Variants in ACTR3B observed in about 807,000 individuals in gnomAD.
ACTR3B encodes the protein actin related protein 3B.
Under a neutral mutation model 59.0 loss-of-function variants are expected in ACTR3B, and 8 were observed. That is an observed-to-expected ratio of 0.14 (90% confidence interval 0.08 to 0.24). The LOEUF (loss-of-function observed/expected upper bound fraction) is 0.24. ACTR3B is among the 10% of genes least tolerant of loss of function. ACTR3B has a pLI of 1.00. For missense variants in ACTR3B, 245 were observed against 552.3 expected (o/e 0.44, Z 5.58); for synonymous variants, 148 against 197.9 (o/e 0.75, Z 2.12).
chr7:152,799,701 G>A (rs11769016), intron 2 of ACTR3B, among the ~76,000 whole-genome samples: 78,736 of 150,570 alleles, frequency 0.52, 22,195 homozygotes, highest in East Asian at 0.71. Flanking sequence ...AGAACTGCAG[G>A]TTGTCAAGGA....
chr7:152,777,063 T>C (rs564585425), intron 1 of ACTR3B, among the ~76,000 whole-genome samples: 71 of 152,304 alleles, frequency 4.7e-4, no homozygotes, highest in African/African-American at 1.6e-3. Flanking sequence ...CAAATACTTA[T>C]GTGGGGTAGG....
intron 1 of ACTR3B, among the ~76,000 whole-genome samples, chr7:152,780,541 A>T (rs1014452955): frequency 6.6e-6 from 1 of 151,900 alleles, no homozygotes; most frequent in African/African-American, 2.4e-5. Context: ...GCTGAGTCGT[A>T]TCATCAGTGT....
Position 152,854,779 on chromosome 7 carries a change from C to T in ACTR3B, c.*226C>T, listed in dbSNP as rs1590497297. On this transcript the variant is annotated 3_prime_UTR_variant, in exon 12 of 12. Coordinates refer to ENST00000256001, the MANE Select transcript of ACTR3B (RefSeq NM_020445.6). This position sits in a 1 kb window ranked among gnomAD's most constrained non-coding sequence, Gnocchi z 4.9. ...CTCCTTCTCCCGCCCTCCTCACCCT[C>T]GCTCTCCCTCCTCCTCCTCCTCCGA... The T allele has an allele frequency of 1.2e-5, 6 of 501,080 alleles. No homozygotes were observed. The highest frequency in any genetic ancestry group is 5.5e-5 in the South Asian group (2 of 36,344). The allele number at this position is 501,080 out of a possible 1,614,324, so 31.0% of individuals were successfully genotyped here. A position where few individuals can be genotyped will look rare whatever the true frequency, so the allele number is the denominator to read the frequency against.
chr7:152,779,798 G>A (rs2098146020), intron 1 of ACTR3B, among the ~76,000 whole-genome samples: 1 of 152,130 alleles, frequency 6.6e-6, no homozygotes, highest in Non-Finnish European at 1.5e-5. Flanking sequence ...TGATGGATGA[G>A]CCTATGTTGG....
At position 152,814,744 on chromosome 7, in the gene ACTR3B, G is replaced by T; in HGVS notation, c.432+99G>T. Reference sequence around the variant, plus strand: ...GTTCTCCGCTGGAAGACTGCGCTGTGTGCCCTTCCTTTTTCCACTCCCTCC... The same window carrying T: ...GTTCTCCGCTGGAAGACTGCGCTGTTTGCCCTTCCTTTTTCCACTCCCTCC... On this transcript the variant is annotated intron_variant, in intron 5 of 11. Coordinates refer to ENST00000256001, the MANE Select transcript of ACTR3B (RefSeq NM_020445.6). 4.3e-6 allele frequency: 4 copies of T among 933,238 alleles called. No individual in the cohort carries two copies. The South Asian group carries it at 6.8e-5, about 16-fold the overall frequency. The allele number at this position is 933,238 out of a possible 1,614,324, so 57.8% of individuals were successfully genotyped here. A position where few individuals can be genotyped will look rare whatever the true frequency, so the allele number is the denominator to read the frequency against.
At chr7:152,796,859 T>TG (rs2098218236) in intron 2 of ACTR3B, among the ~76,000 whole-genome samples, 1 of 77,636 alleles carries the variant, frequency 1.3e-5, no homozygotes, top group African/African-American at 4.1e-5. Flanking sequence ...CTAGTTTTTG[T>TG]GTTTTTTTTT....
chr7:152,818,642 T>TCCAA (rs1414247894), intron 6 of ACTR3B, among the ~76,000 whole-genome samples: 2 of 152,182 alleles, frequency 1.3e-5, no homozygotes, highest in Admixed American at 6.5e-5. Flanking sequence ...AGAGATGGGG[T>TCCAA]TTCTCCATAT....
chr7:152,777,868 C>G (rs1460259860), intron 1 of ACTR3B, among the ~76,000 whole-genome samples: 2 of 151,196 alleles, frequency 1.3e-5, no homozygotes, highest in Non-Finnish European at 2.9e-5. Context: ...AAGAATCGCT[C>G]AAACATGGGA....
At chr7:152,773,761 G>A (rs1590209748) in intron 1 of ACTR3B, among the ~76,000 whole-genome samples, 3 of 152,202 alleles carry the variant, frequency 2.0e-5, no homozygotes, top group African/African-American at 7.2e-5. Flanking sequence ...GACCCTGCCA[G>A]TTAACTGTGG....
intron 9 of ACTR3B, among the ~76,000 whole-genome samples, chr7:152,848,690 C>G (rs1251401040): frequency 2.0e-5 from 3 of 152,182 alleles, no homozygotes; most frequent in Non-Finnish European, 4.4e-5. Context: ...GATCAAAATA[C>G]CAACATGCTT....
At chr7:152,829,641 T>C (rs1438505217) in intron 9 of ACTR3B, among the ~76,000 whole-genome samples, 7 of 152,090 alleles carry the variant, frequency 4.6e-5, no homozygotes, top group Admixed American at 2.0e-4. Context: ...AGCTGTAAAA[T>C]GGACCGGAGT....
intron 1 of ACTR3B, among the ~76,000 whole-genome samples, chr7:152,773,662 T>A (rs1001483579): frequency 6.6e-5 from 10 of 152,166 alleles, no homozygotes; most frequent in Non-Finnish European, 4.4e-5. Flanking sequence ...ATTATTTGAT[T>A]GCAAAACAAA....
At chr7:152,837,620 TCTC>T (rs1288331932) in intron 9 of ACTR3B, among the ~76,000 whole-genome samples, 1 of 152,256 alleles carries the variant, frequency 6.6e-6, no homozygotes, top group Non-Finnish European at 1.5e-5. Context: ...TCGGGGGACA[TCTC>T]CTTGTGTTTA....
chr7:152,853,226 T>C (rs547096509), intron 10 of ACTR3B, among the ~76,000 whole-genome samples: 1 of 152,038 alleles, frequency 6.6e-6, no homozygotes, highest in South Asian at 2.1e-4. Context: ...TTTGTGCTTT[T>C]GAACTTTAGC....
chr7:152,837,425 G>T (rs2311361), intron 9 of ACTR3B, among the ~76,000 whole-genome samples: 1 of 152,270 alleles, frequency 6.6e-6, no homozygotes, highest in African/African-American at 2.4e-5. Flanking sequence ...TAAGCCATCA[G>T]AGTAATTCTG....
At chr7:152,826,189 A>T (rs1164128053) in intron 9 of ACTR3B, among the ~76,000 whole-genome samples, 1 of 152,236 alleles carries the variant, frequency 6.6e-6, no homozygotes, top group Non-Finnish European at 1.5e-5. Flanking sequence ...GAGGTAAATC[A>T]ATATAAATTC....
At chr7:152,782,559 A>G (rs2626736) in intron 1 of ACTR3B, among the ~76,000 whole-genome samples, 22 of 152,234 alleles carry the variant, frequency 1.4e-4, no homozygotes, top group Non-Finnish European at 2.9e-4. Context: ...ATGAGATGAT[A>G]AAGAGATGCT....
intron 2 of ACTR3B, among the ~76,000 whole-genome samples, chr7:152,795,928 C>T (rs1404400696): frequency 9.2e-5 from 14 of 151,794 alleles, no homozygotes; most frequent in Non-Finnish European, 1.5e-5. Context: ...ACTGCAACCT[C>T]TGCCTCCCAA....
intron 1 of ACTR3B, among the ~76,000 whole-genome samples, chr7:152,776,667 C>CA (rs2098136875): frequency 6.6e-6 from 1 of 152,124 alleles, no homozygotes. Flanking sequence ...AAATATTATC[C>CA]AAAAATGGCA....
Sources: allele counts gnomAD v4.1 joint callset (sites outside exome capture counted in the v4.1 genomes callset), GRCh38; gene constraint gnomAD v4.1.1; non-coding constraint Gnocchi (gnomAD v3.1); transcripts MANE v1.5; gene names NCBI Gene and HGNC (gene_info 2026-07-23, HGNC 2026-07-21).